KCNIP4: variants seen among roughly 807,000 people sequenced by gnomAD.
The protein encoded by KCNIP4 is potassium voltage-gated channel interacting protein 4.
Under a neutral mutation model 34.0 loss-of-function variants are expected in KCNIP4, and 12 were observed. The observed-to-expected ratio is 0.35, with a 90% CI of 0.23 to 0.57. The LOEUF (loss-of-function observed/expected upper bound fraction) is 0.57, where lower values mean the gene tolerates loss of function less well. Ranked by LOEUF, KCNIP4 falls within the 20% of genes least tolerant of loss-of-function variation. The probability of loss-of-function intolerance (pLI) is 0.83; values close to 1 mark genes in which losing one functional copy is unlikely to be tolerated. For missense variants in KCNIP4, 238 were observed against 311.7 expected (o/e 0.76, Z 1.78); for synonymous variants, 124 against 102.2 (o/e 1.21, Z -1.29).
chr4:21,014,841 C>A (rs1413473124), intron 1 of KCNIP4, among the ~76,000 whole-genome samples: 4 of 152,060 alleles, frequency 2.6e-5, no homozygotes. Context: ...TCACAATAGC[C>A]CAAACGTGGA....
chr4:21,517,235 A>G (rs751009737), intron 1 of KCNIP4, among the ~76,000 whole-genome samples: 6 of 152,144 alleles, frequency 3.9e-5, no homozygotes, highest in Non-Finnish European at 7.3e-5. Flanking sequence ...ACTCAGAAAC[A>G]ACCACGTCAG....
chr4:21,401,159 C>G (rs1723526497), intron 1 of KCNIP4, among the ~76,000 whole-genome samples: 1 of 152,034 alleles, frequency 6.6e-6, no homozygotes, highest in Non-Finnish European at 1.5e-5. Context: ...GAGGTTGACT[C>G]TAGAATCCAA....
chr4:21,734,936 G>A (rs142425679), intron 1 of KCNIP4, among the ~76,000 whole-genome samples: 2 of 151,916 alleles, frequency 1.3e-5, no homozygotes, highest in East Asian at 3.9e-4. Flanking sequence ...GAATGACTTC[G>A]CTCCTATAAA....
At chr4:20,805,213 T>TTTA (rs1714917921) in intron 3 of KCNIP4, among the ~76,000 whole-genome samples, 1 of 106,304 alleles carries the variant, frequency 9.4e-6, no homozygotes, top group Non-Finnish European at 2.0e-5. Flanking sequence ...TTTTTTTTTT[T>TTTA]TTTAAAGAGG....
At chr4:21,550,261 A>G (rs1738465861) in intron 1 of KCNIP4, among the ~76,000 whole-genome samples, 1 of 152,028 alleles carries the variant, frequency 6.6e-6, no homozygotes, top group Non-Finnish European at 1.5e-5. Flanking sequence ...CCAATGGGAG[A>G]AAGGGATTAA....
intron 1 of KCNIP4, among the ~76,000 whole-genome samples, chr4:21,337,317 T>TA (rs1716275081): frequency 6.6e-6 from 1 of 152,198 alleles, no homozygotes; most frequent in African/African-American, 2.4e-5. Context: ...ATAAGGCAGA[T>TA]AGTCATTTTA....
chr4:21,878,051 T>C (rs1033255697), intron 1 of KCNIP4, among the ~76,000 whole-genome samples: 2 of 152,110 alleles, frequency 1.3e-5, no homozygotes, highest in African/African-American at 2.4e-5. Context: ...TGTTTGTTTG[T>C]TTGTTGTTTG....
At chr4:21,637,254 G>C (rs1248314123) in intron 1 of KCNIP4, among the ~76,000 whole-genome samples, 1 of 152,112 alleles carries the variant, frequency 6.6e-6, no homozygotes, top group African/African-American at 2.4e-5. Context: ...TAATTTTAAA[G>C]ACGAGGAACC....
intron 1 of KCNIP4, among the ~76,000 whole-genome samples, chr4:21,139,954 C>A (rs1335826662): frequency 6.6e-6 from 1 of 152,130 alleles, no homozygotes; most frequent in Non-Finnish European, 1.5e-5. Flanking sequence ...TTCTTTCTAA[C>A]ATACTGAGCT....
At position 21,463,897 on chromosome 4, in the gene KCNIP4, G is replaced by C. The variant is rs190022945; in HGVS notation, c.61+484674C>G. ...AATTAAATCATTTTACTTGTAATAA[G>C]TTTATTCAGATTTTCTATTTCACTT... On this transcript the variant is annotated intron_variant, in intron 1 of 8. Transcript: ENST00000382152. Among the ~76,000 whole-genome samples, 18 of 152,140 alleles carry C rather than the reference G, an allele frequency of 1.2e-4. No homozygotes were observed. The East Asian group carries it at 3.3e-3, about 28-fold the overall frequency.
chr4:20,760,171 T>A (rs532112330), intron 3 of KCNIP4, among the ~76,000 whole-genome samples: 2 of 152,158 alleles, frequency 1.3e-5, no homozygotes, highest in African/African-American at 4.8e-5. Context: ...TAGTCTCTTT[T>A]AGTAGATTCT....
At chr4:21,862,641 G>T (rs1164254042) in intron 1 of KCNIP4, among the ~76,000 whole-genome samples, 1 of 152,160 alleles carries the variant, frequency 6.6e-6, no homozygotes, top group African/African-American at 2.4e-5. Context: ...CCAGCCAGAT[G>T]GTAGGTGTTC....
intron 1 of KCNIP4, among the ~76,000 whole-genome samples, chr4:21,070,835 A>C (rs145550679): frequency 0.023 from 3,523 of 151,166 alleles, 128 homozygotes; most frequent in African/African-American, 0.08. Context: ...GCTACCATGC[A>C]CGGCTAATTT....
chr4:21,410,103 A>G (rs1229468031), intron 1 of KCNIP4, among the ~76,000 whole-genome samples: 2 of 152,216 alleles, frequency 1.3e-5, no homozygotes, highest in Non-Finnish European at 2.9e-5. Context: ...GCCTAGAAAG[A>G]CATGGAAAAT....
intron 1 of KCNIP4, among the ~76,000 whole-genome samples, chr4:21,149,760 G>A (rs527462581): frequency 4.6e-5 from 7 of 152,234 alleles, no homozygotes; most frequent in South Asian, 4.1e-4. Flanking sequence ...AAAAGAGGAC[G>A]ATGAGTTGCT....
intron 1 of KCNIP4, among the ~76,000 whole-genome samples, chr4:21,657,653 TA>T (rs1453185091): frequency 6.6e-6 from 1 of 152,206 alleles, no homozygotes; most frequent in Non-Finnish European, 1.5e-5. Context: ...GACTTATCTG[TA>T]AAATGAGAAT....
At chr4:21,025,622 C>T (rs1425324228) in intron 1 of KCNIP4, among the ~76,000 whole-genome samples, 10 of 116,218 alleles carry the variant, frequency 8.6e-5, no homozygotes, top group East Asian at 3.0e-4. Flanking sequence ...GGTGCGATTT[C>T]GCCTCACTGC....
At chr4:21,278,057 A>AT (rs936466074) in intron 1 of KCNIP4, among the ~76,000 whole-genome samples, 174 of 151,808 alleles carry the variant, frequency 1.1e-3, no homozygotes, top group African/African-American at 3.7e-3. Context: ...GTGTGATGAG[A>AT]TTTTTTTTTA....
chr4:21,404,594 A>G (rs1416708144), intron 1 of KCNIP4, among the ~76,000 whole-genome samples: 2 of 152,194 alleles, frequency 1.3e-5, no homozygotes, highest in African/African-American at 4.8e-5. Flanking sequence ...GTACACGTAT[A>G]CATAGCATAT....
Sources: gnomAD v4.1 joint callset for allele counts (sites outside exome capture counted in the v4.1 genomes callset) on GRCh38, gnomAD v4.1.1 for gene constraint, MANE v1.5 for transcripts, NCBI Gene and HGNC (gene_info 2026-07-23, HGNC 2026-07-21) for gene names.